CD40LG: variants seen among roughly 807,000 people sequenced by gnomAD.
CD40LG encodes CD40 antigen ligand.
Under a neutral mutation model 17.2 loss-of-function variants are expected in CD40LG, and 1 was observed. That is an observed-to-expected ratio of 0.06 (90% CI 0.02 to 0.28). The LOEUF is 0.28. CD40LG is among the 10% of genes least tolerant of loss of function. The pLI is 1.00. For synonymous variants in CD40LG, 66 were observed against 74.4 expected (o/e 0.89, Z 0.58); for missense variants, 133 against 193.2 (o/e 0.69, Z 1.85).
rs1456764305 is a variant in CD40LG, at chrX:136,659,218, T to C, written c.589T>C (p.Ser197Pro). ...ATTTATAGCCAGCCTCTGCCTAAAG[T>C]CCCCCGGTAGATTCGAGAGAATCTT... The part of the protein sequence containing the change: ...APFIASLCLK[S>P]PGRFERILLR... Residue 197 changes from serine to proline, a missense_variant, in exon 5 of 5, where the codon TCC (serine) becomes CCC (proline). Coordinates refer to ENST00000370629, the MANE Select transcript of CD40LG (RefSeq NM_000074.3). 1 of 1,210,646 alleles carries C rather than the reference T, an allele frequency of 8.3e-7. No homozygotes were observed. Among genetic ancestry groups the C allele is most frequent in the Admixed American group, 2.2e-5 (1 of 46,021 alleles).
chrX:136,656,356 G>A lies in CD40LG; in HGVS notation c.347G>A (p.Gly116Asp), dbSNP rs2148552902. The change falls in exon 4 of 5, where the codon GGT becomes GAT. Residue 116 changes from glycine to aspartate, a missense_variant and splice_region_variant. By Grantham distance (94) the Gly-to-Asp change is moderately conservative. Transcript: ENST00000370629. The part of the protein sequence containing the change: ...KKENSFEMQK[G>D]DQNPQIAAHV... The stretch of plus-strand genomic sequence containing the variant: ...CTGACAGTTTTTGGTTCCATTTCAG[G>A]TGATCAGAATCCTCAAATTGCGGCA... The A allele has an allele frequency of 8.3e-7, 1 of 1,208,248 alleles. No homozygotes were observed. The highest frequency in any genetic ancestry group is 1.7e-5 in the African/African-American group (1 of 57,661).
At chrX:136,656,739 C>T (rs1392041361) in intron 4 of CD40LG, among the ~76,000 whole-genome samples, 1 of 111,731 alleles carries the variant, frequency 9.0e-6, no homozygotes, top group African/African-American at 3.3e-5. Flanking sequence ...GACCTCCTGA[C>T]TGGGAGCATC....
chrX:136,658,485 G>C (rs1185362264), intron 4 of CD40LG, among the ~76,000 whole-genome samples: 1 of 111,711 alleles, frequency 9.0e-6, no homozygotes, highest in South Asian at 3.8e-4. Context: ...AGTCCTTGCT[G>C]GGGGAGGCAG....
At position 136,660,335 on chromosome X, in the gene CD40LG, G is replaced by A. The variant is rs1353123021; in HGVS notation, c.*920G>A. On this transcript the variant is annotated 3_prime_UTR_variant, in exon 5 of 5. Coordinates refer to ENST00000370629, the MANE Select transcript of CD40LG (RefSeq NM_000074.3). ...CTGCAGTCTCCATTGTTTCCAGAGT[G>A]AACTTGTAATTATCTTGTTATTTAT... 7 of 111,281 alleles carry A rather than the reference G, an allele frequency of 6.3e-5. No homozygotes were observed. The highest frequency in any genetic ancestry group is 2.3e-4 in the African/African-American group (7 of 30,597). 9.2% of individuals were successfully genotyped at this position (111,281 alleles called of 1,213,427 possible). A position where few individuals can be genotyped will look rare whatever the true frequency, so the allele number is the denominator to read the frequency against.
In CD40LG at chrX:136,659,428, T is replaced by C; in HGVS notation, c.*13T>C. 8.3e-7 allele frequency: 1 copy of C among 1,207,056 alleles called. No individual in the cohort carries two copies. The highest frequency in any genetic ancestry group is 1.1e-6 in the Non-Finnish European group (1 of 894,422). ...ACTCAAACTCTGAACAGTGTCACCT[T>C]GCAGGCTGTGGTGGAGCTGACGCTG... On this transcript the variant is annotated 3_prime_UTR_variant, in exon 5 of 5. Transcript: ENST00000370629.
intron 2 of CD40LG, among the ~76,000 whole-genome samples, chrX:136,651,611 A>G (rs1295716905): frequency 4.5e-5 from 5 of 111,864 alleles, no homozygotes; most frequent in Non-Finnish European, 9.4e-5. Flanking sequence ...GCCAGCTAGG[A>G]AAATGATTTG....
At chrX:136,654,049 A>G (rs759794057) in intron 2 of CD40LG, among the ~76,000 whole-genome samples, 4 of 111,998 alleles carry the variant, frequency 3.6e-5, no homozygotes. Context: ...TTATTTGTCA[A>G]TATCTGTCAA....
At chrX:136,649,219 T>C (rs1008290261) in intron 1 of CD40LG, among the ~76,000 whole-genome samples, 6 of 112,634 alleles carry the variant, frequency 5.3e-5, no homozygotes, top group Admixed American at 3.8e-4. Flanking sequence ...TTGATTAGTT[T>C]TCTGGCTGTT....
rs1287500891 is a variant in CD40LG, at chrX:136,654,425, A to G, written c.341A>G (p.Gln114Arg). 2 of 1,188,714 alleles carry G rather than the reference A, an allele frequency of 1.7e-6. No homozygotes were observed. The highest frequency in any genetic ancestry group is 3.5e-5 in the South Asian group (2 of 56,459). Residue 114 changes from glutamine to arginine, a missense_variant, in exon 3 of 5, where the codon CAA becomes CGA. Coordinates refer to ENST00000370629, the MANE Select transcript of CD40LG (RefSeq NM_000074.3). Reference sequence around the variant, plus strand: ...AAGAAAGAAAACAGCTTTGAAATGCAAAAAGGTAGGTTTGCTATTTGCTAA... The same window carrying G: ...AAGAAAGAAAACAGCTTTGAAATGCGAAAAGGTAGGTTTGCTATTTGCTAA... The part of the protein sequence containing the change: ...ETKKENSFEM[Q>R]KGDQNPQIAA...
At chrX:136,650,539 A>C (rs2076101239) in intron 2 of CD40LG, 142 bp downstream of exon 2, 1 of 523,656 alleles carries the variant, frequency 1.9e-6, no homozygotes, top group African/African-American at 2.3e-5. Flanking sequence ...ATGCATGCAG[A>C]TATACACACA....
intron 2 of CD40LG, among the ~76,000 whole-genome samples, chrX:136,652,798 T>A (rs2076107823): frequency 8.9e-6 from 1 of 111,760 alleles, no homozygotes; most frequent in Non-Finnish European, 1.9e-5. Context: ...CTGCGATGCC[T>A]TTGAGAGAGC....
At chrX:136,657,680 TCTC>T (rs1255131534) in intron 4 of CD40LG, among the ~76,000 whole-genome samples, 3 of 111,928 alleles carry the variant, frequency 2.7e-5, no homozygotes, top group African/African-American at 9.8e-5. Context: ...AACAGAGAAA[TCTC>T]CTAGAAGAAT....
At chrX:136,650,462 A>G in intron 2 of CD40LG, 65 bp downstream of exon 2, 1 of 1,006,530 alleles carries the variant, frequency 9.9e-7, no homozygotes. Flanking sequence ...TAGATCGGGA[A>G]ACTGACAATG....
At chrX:136,656,321 T>C in intron 3 of CD40LG, 35 bp from the exon 4 acceptor site, 1 of 1,157,044 alleles carries the variant, frequency 8.6e-7, no homozygotes, top group South Asian at 1.8e-5. Context: ...AGTTTTTGCA[T>C]TATTTTAGCC....
intron 2 of CD40LG, among the ~76,000 whole-genome samples, chrX:136,651,860 A>G (rs770735622): frequency 1.5e-4 from 17 of 111,531 alleles, no homozygotes; most frequent in African/African-American, 5.5e-4. Context: ...GACATTCTAC[A>G]ATTATGTGAT....
chrX:136,650,445 C>T, intron 2 of CD40LG, 48 bp downstream of exon 2: 1 of 1,129,780 alleles, frequency 8.9e-7, no homozygotes. Flanking sequence ...TATTTTACTA[C>T]ATTTGCTAGA....
rs2148553867 is a variant in CD40LG at position 136,659,631 on chromosome X, A to G, written c.*216A>G. 1 of 425,265 alleles carries G rather than the reference A, an allele frequency of 2.4e-6. No individual in the cohort carries two copies. Among genetic ancestry groups the G allele is most frequent in the Non-Finnish European group, 4.1e-6 (1 of 246,776 alleles). The allele number at this position is 425,265 out of a possible 1,213,427, so 35.0% of individuals were successfully genotyped here. ...CGGGCCCTGCTCCATAAGAGCTTATATATCTGAAGCAGCAACCCCACTGAT... is the reference window on the plus strand; with the variant it reads ...CGGGCCCTGCTCCATAAGAGCTTATGTATCTGAAGCAGCAACCCCACTGAT... On this transcript the variant is annotated 3_prime_UTR_variant, in exon 5 of 5. Coordinates refer to ENST00000370629, the MANE Select transcript of CD40LG (RefSeq NM_000074.3).
At chrX:136,649,522 T>C (rs1430574720) in intron 1 of CD40LG, among the ~76,000 whole-genome samples, 1 of 112,337 alleles carries the variant, frequency 8.9e-6, no homozygotes, top group East Asian at 2.8e-4. Context: ...AAAGGGGCAA[T>C]AGTGACCTCA....
intron 4 of CD40LG, among the ~76,000 whole-genome samples, chrX:136,657,360 GT>G (rs1317119780): frequency 8.9e-6 from 1 of 111,744 alleles, no homozygotes; most frequent in Non-Finnish European, 1.9e-5. Flanking sequence ...TGAATAGGGA[GT>G]TTTTGAACAC....
Sources: gnomAD v4.1 joint callset for allele counts (sites outside exome capture counted in the v4.1 genomes callset) on GRCh38, gnomAD v4.1.1 for gene constraint, MANE v1.5 for transcripts, NCBI Gene and HGNC (gene_info 2026-07-23, HGNC 2026-07-21) for gene names.